The following NIPAL3 variants were observed in gnomAD, a reference collection of about 807,000 sequenced individuals.
NIPAL3 encodes the protein NIPA-like protein 3.
NIPAL3 carries 41 observed loss-of-function variants against 47.2 expected under a neutral mutation model. The ratio of observed to expected loss-of-function variants is 0.87; its 90% CI spans 0.68 to 1.13. NIPAL3 has a LOEUF of 1.13. Among genes scored for constraint, NIPAL3 ranks in the 50% most tolerant of loss-of-function variants. The pLI is 0.00. For synonymous variants in NIPAL3, 194 were observed against 209.6 expected (o/e 0.93, Z 0.64); for missense variants, 449 against 530.1 (o/e 0.85, Z 1.50).
intron 4 of NIPAL3, 77 bp downstream of exon 4, chr1:24,442,303 G>A (rs765373138): frequency 7.9e-5 from 120 of 1,520,174 alleles, no homozygotes; most frequent in Admixed American, 2.4e-4. Flanking sequence ...AGGATCAAAG[G>A]TGCCCATTGA....
intron 2 of NIPAL3, among the ~76,000 whole-genome samples, chr1:24,423,962 T>A (rs1382764414): frequency 6.6e-6 from 1 of 152,160 alleles, no homozygotes; most frequent in South Asian, 2.1e-4. Context: ...AAAAAATCAG[T>A]TAATACAATT....
Position 24,465,810 on chromosome 1 carries a change from A to G in NIPAL3, c.1021+1690A>G, listed in dbSNP as rs906086297. 5 of 678,798 alleles carry G rather than the reference A, an allele frequency of 7.4e-6. No individual in the cohort carries two copies. In the East Asian group the frequency reaches 1.3e-4, roughly 18 times the overall value. The allele number at this position is 678,798 out of a possible 1,614,324, so 42.0% of individuals were successfully genotyped here. On this transcript the variant is annotated intron_variant, in intron 11 of 11. Transcript: ENST00000374399. ...TCTTGCACGGTGTCTGGGACATGGTAGATGCCTGGTTATATTTGGTTTCAC... is the reference window on the plus strand; with the variant it reads ...TCTTGCACGGTGTCTGGGACATGGTGGATGCCTGGTTATATTTGGTTTCAC...
Position 24,419,320 on chromosome 1 carries a change from T to A in NIPAL3, c.-228T>A. The stretch of plus-strand genomic sequence containing the variant: ...CCGCAAGAACTGGAAAACACACCCC[T>A]CTCTGTCTGCCTGGGAGAGCCACGG... On this transcript the variant is annotated 5_prime_UTR_variant, in exon 2 of 12. Transcript: ENST00000374399. 1 of 1,250,956 alleles carries A rather than the reference T, an allele frequency of 8.0e-7. No homozygotes were observed. Among genetic ancestry groups the A allele is most frequent in the Non-Finnish European group, 1.0e-6 (1 of 997,692 alleles). 77.5% of individuals were successfully genotyped at this position (1,250,956 alleles called of 1,614,324 possible). A position where few individuals can be genotyped will look rare whatever the true frequency, so the allele number is the denominator to read the frequency against.
In NIPAL3 at chr1:24,458,948, T is replaced by G. The variant is rs1258326950; in HGVS notation, c.834T>G (p.Ile278Met). 3 of 1,613,974 alleles carry G rather than the reference T, an allele frequency of 1.9e-6. No individual in the cohort carries two copies. The highest frequency in any genetic ancestry group is 2.5e-6 in the Non-Finnish European group (3 of 1,179,950). ...CTTTGATTGCCAGTGTGGGCTACAT[T>G]CTGTCCACAACCATTGCTATCACAG... ...DSSLIASVGY[I>M]LSTTIAITAG... The change falls in exon 9 of 12, where the codon ATT becomes ATG. Residue 278 changes from isoleucine (I) to methionine (M), a missense_variant. Physicochemically the swap from Ile to Met is conservative, Grantham distance 10. Transcript: ENST00000374399.
intron 6 of NIPAL3, 105 bp from the exon 7 acceptor site, chr1:24,453,303 C>G (rs1454731577): frequency 1.4e-6 from 1 of 719,868 alleles, no homozygotes; most frequent in African/African-American, 1.8e-5. Flanking sequence ...CTCAGTCATT[C>G]CCTTTCAACC....
rs775387736 is a variant in NIPAL3 at position 24,445,247 on chromosome 1, A to G, written c.394+3A>G. The G allele has an allele frequency of 6.3e-7, 1 of 1,597,342 alleles. No homozygotes were observed. Among genetic ancestry groups the G allele is most frequent in the African/African-American group, 1.3e-5 (1 of 74,534 alleles). On this transcript the variant is annotated splice_donor_region_variant and intron_variant, in intron 5 of 11. Coordinates refer to ENST00000374399, the MANE Select transcript of NIPAL3 (RefSeq NM_020448.5). The stretch of plus-strand genomic sequence containing the variant: ...GTGGAAACCGAAAGACTTTCTGAGT[A>G]AGTTCAGTGATTTGAGCTGTGTCCT...
intron 11 of NIPAL3, chr1:24,465,897 G>A (rs1646677996): frequency 7.1e-7 from 1 of 1,409,240 alleles, no homozygotes; most frequent in Admixed American, 3.0e-5. Flanking sequence ...GTGGCAGGTA[G>A]AACATGCAGA....
intron 8 of NIPAL3, chr1:24,457,797 T>C (rs767363109): frequency 1.9e-6 from 1 of 533,426 alleles, no homozygotes. Flanking sequence ...GAGAATCACA[T>C]GAAGCTCTTA....
chr1:24,439,019 T>C (rs1469278683), intron 2 of NIPAL3, among the ~76,000 whole-genome samples: 1 of 151,304 alleles, frequency 6.6e-6, no homozygotes, highest in Non-Finnish European at 1.5e-5. Context: ...AAAGGAAACA[T>C]AATAGACACG....
intron 4 of NIPAL3, among the ~76,000 whole-genome samples, chr1:24,443,450 G>C (rs1462136380): frequency 6.6e-6 from 1 of 152,124 alleles, no homozygotes; most frequent in African/African-American, 2.4e-5. Flanking sequence ...TCTATGCAAG[G>C]GATGGCAGAT....
chr1:24,447,194 C>T (rs549959732), intron 5 of NIPAL3, among the ~76,000 whole-genome samples: 74 of 152,138 alleles, frequency 4.9e-4, no homozygotes, highest in African/African-American at 1.6e-3. Flanking sequence ...GGGCCGGGGC[C>T]GGGGCATTGG....
chr1:24,443,247 TAAAGA>T lies in NIPAL3; in HGVS notation c.334+1027_334+1031del, dbSNP rs568563625. On this transcript the variant is annotated intron_variant, in intron 4 of 11. Transcript: ENST00000374399. Reference sequence around the variant, plus strand: ...AGAATTAGAAAAAAAAAATTCTTCTTAAAGAAAAGATGTTAGTAGATTAGTGAACA... The same window carrying T: ...AGAATTAGAAAAAAAAAATTCTTCTTAAAGATGTTAGTAGATTAGTGAACA... Among the ~76,000 whole-genome samples the T allele has an allele frequency of 1.3e-3, 196 of 152,370 alleles. 1 individual carries two copies. Among genetic ancestry groups the T allele is most frequent in the Middle Eastern group, 0.01 (3 of 294 alleles).
rs1469680791 is a variant in NIPAL3, at chr1:24,449,308, T to C, written c.395-173T>C. Among the ~76,000 whole-genome samples the C allele has an allele frequency of 6.6e-6, 1 of 152,246 alleles. No individual in the cohort carries two copies. Among genetic ancestry groups the C allele is most frequent in the African/African-American group, 2.4e-5 (1 of 41,462 alleles). ...TATTTTTTTACATTAATTGTTTTTTTAACAAAATTAAGGAAAATCATTTAT... is the reference window on the plus strand; with the variant it reads ...TATTTTTTTACATTAATTGTTTTTTCAACAAAATTAAGGAAAATCATTTAT... On this transcript the variant is annotated intron_variant, in intron 5 of 11. Coordinates refer to ENST00000374399, the MANE Select transcript of NIPAL3 (RefSeq NM_020448.5). The surrounding 1 kb of genome is among the most constrained non-coding windows in gnomAD (Gnocchi z 4.5).
intron 2 of NIPAL3, among the ~76,000 whole-genome samples, chr1:24,438,216 C>G (rs1645212285): frequency 6.6e-6 from 1 of 152,210 alleles, no homozygotes; most frequent in South Asian, 2.1e-4. Context: ...AGGACGTGTT[C>G]TGCCTGCAGG....
At position 24,471,010 on chromosome 1, in the gene NIPAL3, T is replaced by G. The variant is rs1646882172; in HGVS notation, c.*1825T>G. Reference sequence around the variant, plus strand: ...GGCACAAATACCCAGGAATCTCTGATGGGTGTGAAGTGCGGTCGTGGGCCA... The same window carrying G: ...GGCACAAATACCCAGGAATCTCTGAGGGGTGTGAAGTGCGGTCGTGGGCCA... On this transcript the variant is annotated 3_prime_UTR_variant, in exon 12 of 12. Coordinates refer to ENST00000374399, the MANE Select transcript of NIPAL3 (RefSeq NM_020448.5). The G allele has an allele frequency of 6.6e-6, 1 of 152,202 alleles. No individual in the cohort carries two copies. The highest frequency in any genetic ancestry group is 1.5e-5 in the Non-Finnish European group (1 of 68,060). The allele number at this position is 152,202 out of a possible 1,614,324, so 9.4% of individuals were successfully genotyped here. A position where few individuals can be genotyped will look rare whatever the true frequency, so the allele number is the denominator to read the frequency against.
intron 8 of NIPAL3, among the ~76,000 whole-genome samples, chr1:24,457,230 T>C (rs1354487937): frequency 6.6e-6 from 1 of 152,182 alleles, no homozygotes; most frequent in African/African-American, 2.4e-5. Flanking sequence ...CACCTCCAAA[T>C]CTTCCTGAGT....
intron 5 of NIPAL3, among the ~76,000 whole-genome samples, chr1:24,448,713 T>A (rs1364944588): frequency 1.4e-5 from 2 of 138,478 alleles, no homozygotes; most frequent in South Asian, 2.1e-4. Context: ...CTGGTGGGAG[T>A]GTAAATTGGT....
At position 24,458,101 on chromosome 1, in the gene NIPAL3, C is replaced by T. The variant is rs918666734; in HGVS notation, c.774-787C>T. Among the ~76,000 whole-genome samples the T allele has an allele frequency of 4.6e-5, 7 of 152,198 alleles. No homozygotes were observed. In the East Asian group the frequency reaches 7.7e-4, roughly 17 times the overall value. ...GTCACTCACTGCCCTCAGGCATTCA[C>T]GGCCCTGGCTGGGGGACAGCCAGTG... On this transcript the variant is annotated intron_variant, in intron 8 of 11. Coordinates refer to ENST00000374399, the MANE Select transcript of NIPAL3 (RefSeq NM_020448.5).
chr1:24,431,212 T>G (rs1644862307), intron 2 of NIPAL3, among the ~76,000 whole-genome samples: 1 of 152,118 alleles, frequency 6.6e-6, no homozygotes, highest in South Asian at 2.1e-4. Flanking sequence ...TGATTATCAC[T>G]AAAAAAAGTG....
Sources: gnomAD v4.1 joint callset for allele counts (sites outside exome capture counted in the v4.1 genomes callset) on GRCh38, gnomAD v4.1.1 for gene constraint, Gnocchi (gnomAD v3.1) non-coding constraint, MANE v1.5 for transcripts, NCBI Gene and HGNC (gene_info 2026-07-23, HGNC 2026-07-21) for gene names.